Variants in HEATR1 observed in about 807,000 individuals in gnomAD.
HEATR1 encodes the protein HEAT repeat-containing protein 1.
A neutral mutation model predicts 248.2 loss-of-function variants in HEATR1; 77 were observed. That is an observed-to-expected ratio of 0.31 (90% CI 0.26 to 0.37). HEATR1 has a LOEUF of 0.37. Among genes scored for constraint, HEATR1 ranks in the 10% least tolerant of loss-of-function variants. HEATR1 has a pLI of 1.00. For missense variants in HEATR1, 2,420 were observed against 2,504.9 expected (o/e 0.97, Z 0.72); for synonymous variants, 897 against 923.1 (o/e 0.97, Z 0.51).
intron 20 of HEATR1, among the ~76,000 whole-genome samples, chr1:236,578,123 G>A (rs1663613121): frequency 6.6e-6 from 1 of 152,150 alleles, no homozygotes; most frequent in African/African-American, 2.4e-5. Context: ...TATATTTAGA[G>A]GGAGAGATCA....
At chr1:236,600,130 T>A (rs747147738) in intron 3 of HEATR1, among the ~76,000 whole-genome samples, 2,305 of 129,490 alleles carry the variant, frequency 0.018, 53 homozygotes, top group Middle Eastern at 0.071. Flanking sequence ...TTTTTTTTTT[T>A]TTTTTTTTTT....
chr1:236,566,872 T>C lies in HEATR1; in HGVS notation c.4082A>G (p.Asp1361Gly), dbSNP rs186277314. 2 of 1,608,202 alleles carry C rather than the reference T, an allele frequency of 1.2e-6. No individual in the cohort carries two copies. The highest frequency in any genetic ancestry group is 1.7e-4 in the Middle Eastern group (1 of 6,046). Residue 1361 changes from aspartate to glycine, a missense_variant, in exon 30 of 45, where the codon GAT becomes GGT. Physicochemically the swap from Asp to Gly is moderately conservative, Grantham distance 94. Transcript: ENST00000366582. ...TGAAACTTCTATAGAATCTCCACTA[T>C]CAGACTGCAAAACAGCAAGCAGAGA... ...KMVIPALIQS[D>G]SGDSIEVSRN...
chr1:236,575,060 T>G (rs1236244030), intron 22 of HEATR1, among the ~76,000 whole-genome samples, 157 bp from the exon 23 acceptor site: 1 of 152,196 alleles, frequency 6.6e-6, no homozygotes, highest in Non-Finnish European at 1.5e-5. Flanking sequence ...AGCTATTAAT[T>G]CACACTAAGG....
rs1663219797 is a variant in HEATR1, at chr1:236,564,582, G to A, written c.4515C>T (p.His1505=). Residue 1505 remains histidine, a synonymous_variant, in exon 32 of 45, where the codon CAC becomes CAT. Transcript: ENST00000366582. ...TAAAATGCCGCAGTTGCTTGCTAGTGTGAGTCTCTACATTAAAAACCTGTA... is the reference window on the plus strand; with the variant it reads ...TAAAATGCCGCAGTTGCTTGCTAGTATGAGTCTCTACATTAAAAACCTGTA... ...EMLQVFNVET[H]TSKQLRHFKF... 6.2e-7 allele frequency: 1 copy of A among 1,613,886 alleles called. No individual in the cohort carries two copies. The highest frequency in any genetic ancestry group is 8.5e-7 in the Non-Finnish European group (1 of 1,179,912).
At chr1:236,601,960 T>A in intron 3 of HEATR1, among the ~76,000 whole-genome samples, 1 of 115,084 alleles carries the variant, frequency 8.7e-6, no homozygotes, top group Non-Finnish European at 1.9e-5. Context: ...TGAAACCCCA[T>A]CTTTACTAAA....
At chr1:236,574,463 T>A in intron 23 of HEATR1, 130 bp from the exon 24 acceptor site, 1 of 1,247,486 alleles carries the variant, frequency 8.0e-7, no homozygotes, top group African/African-American at 1.5e-5. Context: ...AATGCAATTC[T>A]TTTTAATGAC....
In HEATR1 at chr1:236,574,828, T is replaced by C; in HGVS notation, c.3160A>G (p.Lys1054Glu). The C allele has an allele frequency of 6.2e-7, 1 of 1,614,012 alleles. No individual in the cohort carries two copies. Among genetic ancestry groups the C allele is most frequent in the Non-Finnish European group, 8.5e-7 (1 of 1,179,870 alleles). ...AGATGCAGAACCATGGCCTCATCTT[T>C]CAGCACAGCTGTGGGCTCCTTCTGG... Reference protein sequence around the residue: ...KIQKEPTAVLKDEAMVLHLTL... With the variant: ...KIQKEPTAVLEDEAMVLHLTL... Residue 1054 changes from lysine (K) to glutamate (E), a missense_variant, in exon 23 of 45, where the codon AAA becomes GAA. Physicochemically the swap from Lys to Glu is moderately conservative, Grantham distance 56 (BLOSUM62 1). Transcript: ENST00000366582.
At position 236,555,650 on chromosome 1, in the gene HEATR1, A is replaced by G. The variant is rs1474515984; in HGVS notation, c.5655T>C (p.Asp1885=). ...TTTCCGTTTTTCCAACTTCCTCCAG[A>G]TCGTTCTGAAAACAGAAGAGCCCAT... ...LDFRAQHSEN[D]LEEVGKTENC... Residue 1885 remains aspartate, a synonymous_variant, in exon 40 of 45, where the codon GAT becomes GAC. Transcript: ENST00000366582. 1 of 1,614,192 alleles carries G rather than the reference A, an allele frequency of 6.2e-7. No homozygotes were observed. Among genetic ancestry groups the G allele is most frequent in the Non-Finnish European group, 8.5e-7 (1 of 1,180,002 alleles).
chr1:236,553,410 A>G (rs1662842044), intron 43 of HEATR1, among the ~76,000 whole-genome samples, 171 bp downstream of exon 43: 1 of 152,236 alleles, frequency 6.6e-6, no homozygotes, highest in Non-Finnish European at 1.5e-5. Context: ...AAATTTTCTT[A>G]GGCACAAATT....
Position 236,554,675 on chromosome 1 carries a change from T to C in HEATR1, c.6001A>G (p.Lys2001Glu). Residue 2001 changes from lysine to glutamate, a missense_variant, in exon 42 of 45, where the codon AAA becomes GAA. Lys to Glu is a moderately conservative substitution (Grantham distance 56). Coordinates refer to ENST00000366582, the MANE Select transcript of HEATR1 (RefSeq NM_018072.6). ...TGCTGGGTATCAAAAAGGAAGATTT[T>C]GTATAAACAGTTCAAAATAAACTGC... Reference protein sequence around the residue: ...LLQFILNCLYKIFLFDTQHFI... With the variant: ...LLQFILNCLYEIFLFDTQHFI... 6.2e-7 allele frequency: 1 copy of C among 1,613,618 alleles called. No individual in the cohort carries two copies. The highest frequency in any genetic ancestry group is 1.3e-5 in the African/African-American group (1 of 75,018).
Position 236,585,090 on chromosome 1 carries a change from C to G in HEATR1, c.2176G>C (p.Ala726Pro). The G allele has an allele frequency of 6.2e-7, 1 of 1,613,980 alleles. No homozygotes were observed. The highest frequency in any genetic ancestry group is 8.5e-7 in the Non-Finnish European group (1 of 1,179,922). The change falls in exon 17 of 45, where the codon GCG becomes CCG. Residue 726 changes from alanine to proline, a missense_variant. Transcript: ENST00000366582. ...SSLKETHFPF[A>P]IRVFSLLQKK... ...TGCAACAAACTGAAGACTCTTATCG[C>G]AAATGGAAAGTGGGTTTCTTTTAAA...
In HEATR1 at chr1:236,583,235, G is replaced by C. The variant is rs564089641; in HGVS notation, c.2242-39C>G. On this transcript the variant is annotated intron_variant, in intron 17 of 44. Transcript: ENST00000366582. Reference sequence around the variant, plus strand: ...GGAAACAAAAACTAGTACAAACTAAGGGTTCTGAACATGGGTTATATGAAT... The same window carrying C: ...GGAAACAAAAACTAGTACAAACTAACGGTTCTGAACATGGGTTATATGAAT... 5 of 1,532,580 alleles carry C rather than the reference G, an allele frequency of 3.3e-6. No homozygotes were observed. The South Asian group carries it at 6.1e-5, about 19-fold the overall frequency. 94.9% of individuals were successfully genotyped at this position (1,532,580 alleles called of 1,614,324 possible).
At chr1:236,568,626 C>A (rs1663335654) in intron 29 of HEATR1, among the ~76,000 whole-genome samples, 1 of 152,198 alleles carries the variant, frequency 6.6e-6, no homozygotes, top group East Asian at 1.9e-4. Flanking sequence ...AAGTTCCTAG[C>A]CTCATCAACA....
rs747436682 is a variant in HEATR1 at position 236,587,501 on chromosome 1, A to G, written c.1627-11T>C. 4 of 1,378,828 alleles carry G rather than the reference A, an allele frequency of 2.9e-6. No individual in the cohort carries two copies. The highest frequency in any genetic ancestry group is 3.9e-6 in the Non-Finnish European group (4 of 1,012,904). The allele number at this position is 1,378,828 out of a possible 1,614,324, so 85.4% of individuals were successfully genotyped here. A position where few individuals can be genotyped will look rare whatever the true frequency, so the allele number is the denominator to read the frequency against. On this transcript the variant is annotated splice_polypyrimidine_tract_variant and intron_variant, in intron 13 of 44. Coordinates refer to ENST00000366582, the MANE Select transcript of HEATR1 (RefSeq NM_018072.6). ...GTGTTCTTTGAAAATCTAAAGGGAA[A>G]AAAATATCCAGAGTAGATTTGTACT...
At chr1:236,590,661 G>C (rs1265038752) in intron 12 of HEATR1, among the ~76,000 whole-genome samples, 186 bp downstream of exon 12, 1 of 152,128 alleles carries the variant, frequency 6.6e-6, no homozygotes. Flanking sequence ...GTTGTTATTA[G>C]GTTATTGTTA....
chr1:236,594,135 A>G, intron 8 of HEATR1, 21 bp from the exon 9 acceptor site: 1 of 1,465,182 alleles, frequency 6.8e-7, no homozygotes, highest in Non-Finnish European at 9.3e-7. Context: ...AAAAATTAAA[A>G]TTGTGTTGGG....
At chr1:236,558,213 T>C (rs1572032781) in intron 36 of HEATR1, 24 bp downstream of exon 36, 2 of 1,595,400 alleles carry the variant, frequency 1.3e-6, no homozygotes, top group Non-Finnish European at 8.5e-7. Context: ...TAACAGCTCC[T>C]GTTCCAAGTC....
Position 236,599,399 on chromosome 1 carries a change from G to A in HEATR1, c.501+84C>T, listed in dbSNP as rs865865751. On this transcript the variant is annotated intron_variant, in intron 4 of 44. Transcript: ENST00000366582. ...GAGGTAGTTATCTGGACTATCCCCA[G>A]GAGCAATGACTTATTTTTTCCTAAT... 67 of 1,153,568 alleles carry A rather than the reference G, an allele frequency of 5.8e-5. 1 individual carries two copies. In the African/African-American group the frequency reaches 8.2e-4, roughly 14 times the overall value. The allele number at this position is 1,153,568 out of a possible 1,614,324, so 71.5% of individuals were successfully genotyped here.
In HEATR1 at chr1:236,585,897, C is replaced by T. The variant is rs767113628; in HGVS notation, c.1972G>A (p.Gly658Ser). The change falls in exon 16 of 45, where the codon GGT becomes AGT. Residue 658 changes from glycine to serine, a missense_variant. Transcript: ENST00000366582. ...IKSTKPGKLI[G>S]VANQKMIELL... Reference sequence around the variant, plus strand: ...TCAATCATCTTCTGATTTGCTACACCGATTAGTTTTCCTGGCTTTGTGCTT... The same window carrying T: ...TCAATCATCTTCTGATTTGCTACACTGATTAGTTTTCCTGGCTTTGTGCTT... 24 of 1,613,018 alleles carry T rather than the reference C, an allele frequency of 1.5e-5. No homozygotes were observed. Among genetic ancestry groups the T allele is most frequent in the East Asian group, 6.7e-5 (3 of 44,770 alleles).
Sources: gnomAD v4.1 joint callset for allele counts (sites outside exome capture counted in the v4.1 genomes callset) on GRCh38, gnomAD v4.1.1 for gene constraint, MANE v1.5 for transcripts, NCBI Gene and HGNC (gene_info 2026-07-23, HGNC 2026-07-21) for gene names.